Variants in MCTP1 observed in about 807,000 individuals in gnomAD.
The protein encoded by MCTP1 is multiple C2 and transmembrane domain-containing protein 1.
A neutral mutation model predicts 120.6 loss-of-function variants in MCTP1; 69 were observed. The observed-to-expected ratio is 0.57, with a 90% CI of 0.47 to 0.70. The LOEUF (loss-of-function observed/expected upper bound fraction) is 0.70, where lower values mean the gene tolerates loss of function less well. Ranked by LOEUF, MCTP1 falls within the 30% of genes least tolerant of loss-of-function variation. The pLI, the probability that MCTP1 is intolerant of heterozygous loss-of-function variation, is 0.00. For missense variants in MCTP1, 1,203 were observed against 1,248.8 expected (o/e 0.96, Z 0.55); for synonymous variants, 529 against 493.1 (o/e 1.07, Z -0.96).
intron 1 of MCTP1, among the ~76,000 whole-genome samples, chr5:95,168,574 G>T (rs886089897): frequency 6.6e-6 from 1 of 151,920 alleles, no homozygotes; most frequent in Non-Finnish European, 1.5e-5. Context: ...CTTTTATTTC[G>T]TTGAGCAGTG....
Position 94,912,932 on chromosome 5 carries a change from C to G in MCTP1, c.1395G>C (p.Ser465=). 6.2e-7 allele frequency: 1 copy of G among 1,603,052 alleles called. No individual in the cohort carries two copies. The highest frequency in any genetic ancestry group is 8.5e-7 in the Non-Finnish European group (1 of 1,175,450). Residue 465 remains serine, a synonymous_variant, in exon 9 of 23, where the codon TCG becomes TCC. Transcript: ENST00000515393. ...TGCTGACTATTCCTCTCCAAAGATG[C>G]GATTTTCTGTGTAGGTCTGATAGGC... ...SLRLSDLHRK[S]HLWRGIVSIT... is the part of the protein sequence containing the mutation.
In MCTP1 at chr5:95,215,206, C is replaced by T. The variant is rs143708730; in HGVS notation, c.720+68650G>A. On this transcript the variant is annotated intron_variant, in intron 1 of 22. Coordinates refer to ENST00000515393, the MANE Select transcript of MCTP1 (RefSeq NM_024717.7). ...CCAAGCAATAGCTAAACCTCAAAAC[C>T]CATTTTCAAGTCTCATCTCCTCCCT... Among the ~76,000 whole-genome samples, 318 of 152,278 alleles carry T rather than the reference C, an allele frequency of 2.1e-3. 1 individual carries two copies. Among genetic ancestry groups the T allele is most frequent in the African/African-American group, 6.9e-3 (287 of 41,556 alleles).
At chr5:95,166,186 T>G (rs1746326085) in intron 1 of MCTP1, 1 of 152,230 alleles carries the variant, frequency 6.6e-6, no homozygotes, top group African/African-American at 2.4e-5. Context: ...GCTCGAGACC[T>G]GGCTTTTTGC....
Position 94,865,900 on chromosome 5 carries a change from G to T in MCTP1, c.2436+2433C>A, listed in dbSNP as rs561653269. On this transcript the variant is annotated intron_variant, in intron 17 of 22. Transcript: ENST00000515393. ...GGGAATATGAAATTCGCTAATGCAT[G>T]TAAAACAGTTCCTTGACACATAGTA... Among the ~76,000 whole-genome samples the T allele has an allele frequency of 2.6e-5, 4 of 152,028 alleles. No individual in the cohort carries two copies. In the South Asian group the frequency reaches 8.3e-4, roughly 32 times the overall value.
At chr5:94,786,740 C>A (rs1405952601) in intron 18 of MCTP1, among the ~76,000 whole-genome samples, 2 of 151,594 alleles carry the variant, frequency 1.3e-5, no homozygotes, top group African/African-American at 4.9e-5. Flanking sequence ...GTTAAATAAC[C>A]TTTAGGTAAG....
intron 2 of MCTP1, among the ~76,000 whole-genome samples, chr5:94,968,389 T>C (rs551479056): frequency 1.3e-3 from 192 of 152,338 alleles, no homozygotes; most frequent in African/African-American, 4.3e-3. Flanking sequence ...TTTTCTTGAG[T>C]GCATCTTTTA....
chr5:95,117,288 G>A (rs1757890252), intron 1 of MCTP1, among the ~76,000 whole-genome samples: 1 of 151,362 alleles, frequency 6.6e-6, no homozygotes. Context: ...CTACTCAGGA[G>A]GCTGAGGCCG....
chr5:94,816,984 G>C (rs77027720), intron 17 of MCTP1, among the ~76,000 whole-genome samples: 2,640 of 152,192 alleles, frequency 0.017, 84 homozygotes, highest in African/African-American at 0.061. Flanking sequence ...AGAGATAAAA[G>C]GTGTCAAAGA....
chr5:94,734,606 G>A (rs532066259), intron 19 of MCTP1, among the ~76,000 whole-genome samples: 368 of 152,178 alleles, frequency 2.4e-3, no homozygotes, highest in Non-Finnish European at 4.5e-3. Context: ...TATAGGCTGT[G>A]CCACTACACC....
intron 19 of MCTP1, among the ~76,000 whole-genome samples, chr5:94,733,135 G>A (rs1322646186): frequency 1.3e-5 from 2 of 152,060 alleles, no homozygotes; most frequent in Non-Finnish European, 2.9e-5. Flanking sequence ...AACACATGTT[G>A]GAAAATCATT....
intron 1 of MCTP1, among the ~76,000 whole-genome samples, chr5:95,274,063 C>T (rs917285399): frequency 6.6e-6 from 1 of 152,166 alleles, no homozygotes; most frequent in Non-Finnish European, 1.5e-5. Context: ...AGTCACTACC[C>T]TGCTCAATTG....
chr5:94,796,596 CAT>C (rs1188219704), intron 18 of MCTP1, among the ~76,000 whole-genome samples: 9 of 122,210 alleles, frequency 7.4e-5, no homozygotes, highest in East Asian at 4.4e-4. Context: ...CACACACACA[CAT>C]ATATATAATA....
chr5:94,860,435 C>G (rs1045753502), intron 17 of MCTP1, among the ~76,000 whole-genome samples: 1 of 151,622 alleles, frequency 6.6e-6, no homozygotes, highest in South Asian at 2.1e-4. Context: ...AGAAGAAAAC[C>G]CTCATATGGG....
intron 17 of MCTP1, among the ~76,000 whole-genome samples, chr5:94,831,720 C>G (rs1054201292): frequency 6.6e-6 from 1 of 152,180 alleles, no homozygotes; most frequent in Non-Finnish European, 1.5e-5. Flanking sequence ...AAGCTCTTTT[C>G]AAATTAAATT....
chr5:95,053,807 C>G (rs768454678), intron 1 of MCTP1, among the ~76,000 whole-genome samples: 1 of 151,996 alleles, frequency 6.6e-6, no homozygotes, highest in Non-Finnish European at 1.5e-5. Context: ...CAAGAATTCA[C>G]AAAATGTTGG....
At chr5:94,743,438 A>G in intron 19 of MCTP1, among the ~76,000 whole-genome samples, 1 of 152,124 alleles carries the variant, frequency 6.6e-6, no homozygotes, top group African/African-American at 2.4e-5. Context: ...GTGAGATAAG[A>G]GAGAAAGTGA....
chr5:94,951,816 C>T (rs17422496), intron 3 of MCTP1, among the ~76,000 whole-genome samples: 18,188 of 152,138 alleles, frequency 0.12, 1,346 homozygotes, highest in Non-Finnish European at 0.16. Flanking sequence ...GGGTTGGCTA[C>T]GCACACTCTC....
At chr5:94,892,141 G>T (rs574740489) in intron 11 of MCTP1, among the ~76,000 whole-genome samples, 2 of 152,266 alleles carry the variant, frequency 1.3e-5, no homozygotes, top group East Asian at 3.9e-4. Context: ...AGAGCTGATT[G>T]ACAGCTTGTC....
chr5:95,068,898 T>C, intron 1 of MCTP1: 1 of 866,944 alleles, frequency 1.2e-6, no homozygotes, highest in Non-Finnish European at 1.5e-6. Context: ...TCAATAGTAG[T>C]TTTTTATAGC....
Sources: allele counts gnomAD v4.1 joint callset (sites outside exome capture counted in the v4.1 genomes callset), GRCh38; gene constraint gnomAD v4.1.1; transcripts MANE v1.5; gene names NCBI Gene and HGNC (gene_info 2026-07-23, HGNC 2026-07-21).